Variants in DCC observed in about 807,000 individuals in gnomAD.
The protein encoded by DCC is DCC netrin 1 receptor.
DCC carries 58 observed loss-of-function variants against 172.5 expected under a neutral mutation model. The observed-to-expected ratio is 0.34, with a 90% CI of 0.27 to 0.42. DCC has a LOEUF of 0.42. DCC is among the 10% of genes least tolerant of loss of function. DCC has a pLI of 1.00. For synonymous variants in DCC, 709 were observed against 644.5 expected (o/e 1.10, Z -1.52); for missense variants, 1,740 against 1,791.0 (o/e 0.97, Z 0.51).
intron 8 of DCC, among the ~76,000 whole-genome samples, chr18:53,158,799 C>T (rs950234427): frequency 6.6e-6 from 1 of 151,766 alleles, no homozygotes; most frequent in African/African-American, 2.4e-5. Flanking sequence ...CAAGACCAGC[C>T]TGACCAACAT....
intron 1 of DCC, among the ~76,000 whole-genome samples, chr18:52,493,530 T>A (rs1005812883): frequency 2.0e-5 from 3 of 152,134 alleles, no homozygotes; most frequent in Non-Finnish European, 4.4e-5. Flanking sequence ...TGAATCATTT[T>A]CAATCCTCAA....
intron 1 of DCC, among the ~76,000 whole-genome samples, chr18:52,360,670 T>A (rs544323730): frequency 1.3e-5 from 2 of 152,302 alleles, no homozygotes; most frequent in East Asian, 3.9e-4. Context: ...AGATGGTGCA[T>A]GATTTAAAAA....
intron 15 of DCC, among the ~76,000 whole-genome samples, chr18:53,352,726 G>T (rs2057827021): frequency 6.6e-6 from 1 of 152,146 alleles, no homozygotes; most frequent in Admixed American, 6.6e-5. Context: ...CATTTAATGT[G>T]AATATAGATC....
chr18:52,838,147 TATTAA>T (rs2038743191), intron 2 of DCC, among the ~76,000 whole-genome samples: 1 of 151,736 alleles, frequency 6.6e-6, no homozygotes, highest in Non-Finnish European at 1.5e-5. Context: ...TCACTCTGTT[TATTAA>T]ATTGTTCATC....
At chr18:52,433,743 A>C (rs1987701085) in intron 1 of DCC, among the ~76,000 whole-genome samples, 1 of 152,146 alleles carries the variant, frequency 6.6e-6, no homozygotes, top group African/African-American at 2.4e-5. Context: ...TGATTATTTC[A>C]TTTTGTTATC....
chr18:53,279,836 AG>A (rs1310178745), intron 12 of DCC, among the ~76,000 whole-genome samples: 1 of 152,126 alleles, frequency 6.6e-6, no homozygotes, highest in Admixed American at 6.6e-5. Flanking sequence ...ACGCAGGAAC[AG>A]AAAACCAAAT....
At chr18:53,253,492 T>G (rs1331783770) in intron 12 of DCC, among the ~76,000 whole-genome samples, 1 of 152,040 alleles carries the variant, frequency 6.6e-6, no homozygotes. Flanking sequence ...TCCTCTTAGG[T>G]TGAAAATGTC....
At chr18:52,976,588 A>G (rs2041122860) in intron 5 of DCC, among the ~76,000 whole-genome samples, 1 of 152,240 alleles carries the variant, frequency 6.6e-6, no homozygotes. Context: ...ATCCATGACA[A>G]CATTTAAAGC....
chr18:53,034,768 T>C (rs2042070126), intron 5 of DCC, among the ~76,000 whole-genome samples: 1 of 151,984 alleles, frequency 6.6e-6, no homozygotes. Context: ...CCATAAGGCC[T>C]GAAAGATCTG....
chr18:53,458,715 T>C (rs1164863109), intron 23 of DCC, among the ~76,000 whole-genome samples: 2 of 152,236 alleles, frequency 1.3e-5, no homozygotes, highest in African/African-American at 4.8e-5. Flanking sequence ...AATATCCTCA[T>C]GTGGCCTTTT....
At chr18:52,610,539 G>T (rs894388385) in intron 1 of DCC, among the ~76,000 whole-genome samples, 3 of 151,314 alleles carry the variant, frequency 2.0e-5, no homozygotes, top group Middle Eastern at 3.2e-3. Context: ...GATAATTCAA[G>T]GATAGACAAA....
At chr18:52,832,210 T>C (rs561080085) in intron 2 of DCC, among the ~76,000 whole-genome samples, 1 of 152,134 alleles carries the variant, frequency 6.6e-6, no homozygotes, top group Non-Finnish European at 1.5e-5. Flanking sequence ...TATGCTATGC[T>C]GCAGCAGATG....
intron 1 of DCC, among the ~76,000 whole-genome samples, chr18:52,351,460 C>A (rs990701947): frequency 6.6e-6 from 1 of 152,032 alleles, no homozygotes; most frequent in Non-Finnish European, 1.5e-5. Flanking sequence ...AATTTATGAA[C>A]CTATCTATCC....
intron 7 of DCC, among the ~76,000 whole-genome samples, chr18:53,150,560 T>A (rs754172952): frequency 3.3e-5 from 5 of 151,950 alleles, no homozygotes; most frequent in Admixed American, 1.3e-4. Context: ...ATTGTTGGAG[T>A]CCAGGGAAGT....
chr18:52,907,200 C>T (rs2039896387), intron 3 of DCC, among the ~76,000 whole-genome samples: 1 of 137,126 alleles, frequency 7.3e-6, no homozygotes, highest in Admixed American at 7.5e-5. Flanking sequence ...TATATATATA[C>T]CCTATATACA....
At chr18:52,364,885 C>CT (rs1160206013) in intron 1 of DCC, among the ~76,000 whole-genome samples, 2 of 152,164 alleles carry the variant, frequency 1.3e-5, no homozygotes, top group African/African-American at 4.8e-5. Flanking sequence ...TTGGGTGATC[C>CT]TTTTCACCTC....
chr18:52,372,330 T>C (rs1985156247), intron 1 of DCC, among the ~76,000 whole-genome samples: 1 of 152,140 alleles, frequency 6.6e-6, no homozygotes, highest in Non-Finnish European at 1.5e-5. Context: ...AGGGAGTTTA[T>C]TCTCTCTTGC....
At chr18:53,309,964 G>GTA (rs56355500) in intron 13 of DCC, among the ~76,000 whole-genome samples, 7,531 of 137,276 alleles carry the variant, frequency 0.055, 262 homozygotes, top group Non-Finnish European at 0.078. Flanking sequence ...ATACGTGTGT[G>GTA]TATATATATA....
intron 7 of DCC, among the ~76,000 whole-genome samples, chr18:53,071,434 C>G (rs1172072229): frequency 1.3e-5 from 2 of 152,276 alleles, no homozygotes; most frequent in East Asian, 1.9e-4. Context: ...AATCGTTACA[C>G]TACAGGAGGT....
Sources: gnomAD v4.1 joint callset for allele counts (sites outside exome capture counted in the v4.1 genomes callset) on GRCh38, gnomAD v4.1.1 for gene constraint, MANE v1.5 for transcripts, NCBI Gene and HGNC (gene_info 2026-07-23, HGNC 2026-07-21) for gene names.